Variants in SPTBN5 observed in about 807,000 individuals in gnomAD.
SPTBN5 encodes spectrin beta chain, non-erythrocytic 5.
SPTBN5 carries 513 observed loss-of-function variants against 477.6 expected under a neutral mutation model. The observed-to-expected ratio is 1.07, with a 90% CI of 1.00 to 1.16. The LOEUF (loss-of-function observed/expected upper bound fraction) is 1.16, where lower values mean the gene tolerates loss of function less well. Among genes scored for constraint, SPTBN5 ranks in the 50% most tolerant of loss-of-function variants. The probability of loss-of-function intolerance (pLI) is 0.00; values close to 1 mark genes in which losing one functional copy is unlikely to be tolerated. For synonymous variants in SPTBN5, 2,169 were observed against 2,011.7 expected, an observed-to-expected ratio of 1.08 and a Z score of -2.09; for missense variants, 5,062 against 4,731.8, an observed-to-expected ratio of 1.07 and a Z score of -2.05.
intron 5 of SPTBN5, 60 bp downstream of exon 5, chr15:41,887,868 C>T: frequency 1.3e-6 from 2 of 1,543,610 alleles, no homozygotes; most frequent in Non-Finnish European, 1.8e-6. Context: ...GGCTGAGGAC[C>T]CAAACCCAGG....
Position 41,862,137 on chromosome 15 carries a change from T to G in SPTBN5, c.7541A>C (p.Glu2514Ala). 6.3e-7 allele frequency: 1 copy of G among 1,576,558 alleles called. No individual in the cohort carries two copies. The highest frequency in any genetic ancestry group is 8.6e-7 in the Non-Finnish European group (1 of 1,157,842). ...GGCCAGCTGCCCATTCACCTTGCAC[T>G]CCTGATGCTCTTCTAACATACGCCG... ...EARRMLEEHQ[E>A]CKAELDSWTD... The change falls in exon 44 of 68, where the codon GAG becomes GCG. Residue 2514 changes from glutamate (E) to alanine (A), a missense_variant. By Grantham distance (107) the Glu-to-Ala change is moderately radical. Transcript: ENST00000320955.
chr15:41,881,925 C>A lies in SPTBN5; in HGVS notation c.2457+11G>T. The A allele has an allele frequency of 6.6e-7, 1 of 1,526,568 alleles. No individual in the cohort carries two copies. The highest frequency in any genetic ancestry group is 2.6e-5 in the East Asian group (1 of 39,172). 94.6% of individuals were successfully genotyped at this position (1,526,568 alleles called of 1,614,324 possible). On this transcript the variant is annotated intron_variant, in intron 12 of 67. Coordinates refer to ENST00000320955, the MANE Select transcript of SPTBN5 (RefSeq NM_016642.4). ...GGGAGACCAGGCGCCCTTCCCTGTC[C>A]CCGTCCTCACCGTGAATAACGACGC... is the stretch of plus-strand genomic sequence containing the variant.
At chr15:41,888,354 G>A (rs2067217632) in intron 4 of SPTBN5, among the ~76,000 whole-genome samples, 1 of 152,266 alleles carries the variant, frequency 6.6e-6, no homozygotes, top group African/African-American at 2.4e-5. Flanking sequence ...TGTCACCACA[G>A]GTGATCACAC....
In SPTBN5 at chr15:41,879,310, C is replaced by T. The variant is rs750646546; in HGVS notation, c.3132G>A (p.Lys1044=). The change falls in exon 16 of 68, where the codon AAG becomes AAA. Residue 1044 remains lysine, a synonymous_variant. Transcript: ENST00000320955. ...GGACCCTCCTCTCCAGCACCAGGGT[C>T]TTCTTCTGGGCCAGCTGCAGGGCGT... The part of the protein sequence containing the change: ...TCHALQLAQK[K]TLVLERRVHF... 8 of 1,611,644 alleles carry T rather than the reference C, an allele frequency of 5.0e-6. No homozygotes were observed. The highest frequency in any genetic ancestry group is 2.7e-5 in the African/African-American group (2 of 74,934).
At position 41,848,496 on chromosome 15, in the gene SPTBN5, GGAACTGGGTT is replaced by G; in HGVS notation, c.*110_*119del. The G allele has an allele frequency of 1.7e-6, 2 of 1,170,040 alleles. No homozygotes were observed. Among genetic ancestry groups the G allele is most frequent in the Admixed American group, 3.4e-5 (2 of 59,126 alleles). The allele number at this position is 1,170,040 out of a possible 1,614,324, so 72.5% of individuals were successfully genotyped here. On this transcript the variant is annotated 3_prime_UTR_variant, in exon 68 of 68. Transcript: ENST00000320955. The stretch of plus-strand genomic sequence containing the variant: ...TGTCTATTCCAGAAGCTGGGCCTGG[GGAACTGGGTT>G]GAAGCAGCCACGGGAAGGAGCCCTT...
At chr15:41,886,564 C>T (rs756115947) in intron 6 of SPTBN5, among the ~76,000 whole-genome samples, 198 bp from the exon 7 acceptor site, 9 of 152,256 alleles carry the variant, frequency 5.9e-5, no homozygotes, top group Non-Finnish European at 1.2e-4. Context: ...TGGGGACCCT[C>T]TCCATGACTG....
rs962166438 is a variant in SPTBN5, at chr15:41,848,552, T to C, written c.*64A>G. ...CCCTTTTGCCTGTAGCTGAGTCTTA[T>C]TCTGGTCCCTTAGATGTGTCCTCGC... is the stretch of plus-strand genomic sequence containing the variant. On this transcript the variant is annotated 3_prime_UTR_variant, in exon 68 of 68. Coordinates refer to ENST00000320955, the MANE Select transcript of SPTBN5 (RefSeq NM_016642.4). The C allele has an allele frequency of 1.2e-6, 2 of 1,604,234 alleles. No homozygotes were observed. Among genetic ancestry groups the C allele is most frequent in the African/African-American group, 1.3e-5 (1 of 74,816 alleles).
At position 41,854,139 on chromosome 15, in the gene SPTBN5, G is replaced by A. The variant is rs374155388; in HGVS notation, c.9685C>T (p.Gln3229Ter). Residue 3229 changes from glutamine (Q) to a stop codon, truncating the protein, a stop_gained, in exon 57 of 68, where the codon CAG (glutamine) becomes TAG (stop). Coordinates refer to ENST00000320955, the MANE Select transcript of SPTBN5 (RefSeq NM_016642.4). LOFTEE classifies it high-confidence loss of function. ...QAAAELQGRM[Q>*]EKTALMKGED... is the part of the protein sequence containing the mutation. Reference sequence around the variant, plus strand: ...CCCTTCATCAGGGCCGTCTTCTCCTGCATCCTTCCCTGGAGCTCAGCTGCT... The same window carrying A: ...CCCTTCATCAGGGCCGTCTTCTCCTACATCCTTCCCTGGAGCTCAGCTGCT... 7.5e-6 allele frequency: 12 copies of A among 1,594,708 alleles called. No individual in the cohort carries two copies. Among genetic ancestry groups the A allele is most frequent in the Admixed American group, 3.5e-5 (2 of 57,918 alleles).
Position 41,874,990 on chromosome 15 carries a change from G to A in SPTBN5, c.4354C>T (p.Arg1452Cys), listed in dbSNP as rs778315568. 31 of 1,613,546 alleles carry A rather than the reference G, an allele frequency of 1.9e-5. No homozygotes were observed. In the East Asian group the frequency reaches 4.0e-4, roughly 21 times the overall value. Residue 1452 changes from arginine to cysteine, a missense_variant, in exon 23 of 68, where the codon CGC becomes TGC. By Grantham distance (180) the Arg-to-Cys change is radical (BLOSUM62 -3). Transcript: ENST00000320955. ...CGTTTCTGCAGCCTCTGGCTGGAGC[G>A]CAGGTCCTGCCCTGTTTCCGAGCTC... ...LQSSETGQDL[R>C]SSQRLQKRHQ...
In SPTBN5 at chr15:41,873,923, C is replaced by T. The variant is rs755237246; in HGVS notation, c.4812G>A (p.Leu1604=). 9 of 1,610,834 alleles carry T rather than the reference C, an allele frequency of 5.6e-6. No individual in the cohort carries two copies. The highest frequency in any genetic ancestry group is 6.8e-6 in the Non-Finnish European group (8 of 1,179,888). The part of the protein sequence containing the change: ...AQHIVEQCQE[L]EGHWAELERA... Reference sequence around the variant, plus strand: ...TCTCCAGCTCTGCCCAGTGGCCTTCCAGCTCCTGGCACTGCTCCACGATGT... The same window carrying T: ...TCTCCAGCTCTGCCCAGTGGCCTTCTAGCTCCTGGCACTGCTCCACGATGT... Residue 1604 remains leucine, a synonymous_variant, in exon 25 of 68, where the codon CTG becomes CTA. Coordinates refer to ENST00000320955, the MANE Select transcript of SPTBN5 (RefSeq NM_016642.4).
intron 32 of SPTBN5, among the ~76,000 whole-genome samples, chr15:41,869,392 C>G (rs919044062): frequency 1.3e-5 from 2 of 152,250 alleles, no homozygotes; most frequent in African/African-American, 4.8e-5. Context: ...GTTTCGGGCT[C>G]ATCTCCCCAG....
chr15:41,876,680 G>A (rs1301642844), intron 19 of SPTBN5, 33 bp from the exon 20 acceptor site: 4 of 1,553,202 alleles, frequency 2.6e-6, no homozygotes, highest in Non-Finnish European at 2.6e-6. Context: ...AGGAGGGCAT[G>A]GGAGAGGACT....
chr15:41,890,865 C>T (rs565295697), intron 3 of SPTBN5, among the ~76,000 whole-genome samples: 37 of 152,200 alleles, frequency 2.4e-4, no homozygotes, highest in Non-Finnish European at 7.4e-5. Context: ...AGAAGCCCTG[C>T]AGGATCTGGC....
At position 41,857,456 on chromosome 15, in the gene SPTBN5, G is replaced by T; in HGVS notation, c.8403C>A (p.Asn2801Lys). ...GCTCAACCTCGATGGGCTCCAGCCAGTTCTCCAGTTCCTCCATGCTCCGCC... is the reference window on the plus strand; with the variant it reads ...GCTCAACCTCGATGGGCTCCAGCCATTTCTCCAGTTCCTCCATGCTCCGCC... ...RLRRSMEELE[N>K]WLEPIEVELR... Residue 2801 changes from asparagine to lysine, a missense_variant, in exon 51 of 68, where the codon AAC becomes AAA. Physicochemically the swap from Asn to Lys is moderately conservative, Grantham distance 94. Coordinates refer to ENST00000320955, the MANE Select transcript of SPTBN5 (RefSeq NM_016642.4). 6.2e-7 allele frequency: 1 copy of T among 1,608,814 alleles called. No homozygotes were observed. Among genetic ancestry groups the T allele is most frequent in the South Asian group, 1.1e-5 (1 of 90,140 alleles).
Position 41,882,741 on chromosome 15 carries a change from G to A in SPTBN5, c.1893-3C>T. ...GGGTCTGCTCCAGCAGGGCCCGCCT[G>A]AGGGACAATAGGGGCCACCGAAGGA... On this transcript the variant is annotated splice_polypyrimidine_tract_variant and splice_region_variant and intron_variant, in intron 9 of 67. Coordinates refer to ENST00000320955, the MANE Select transcript of SPTBN5 (RefSeq NM_016642.4). 1 of 1,608,866 alleles carries A rather than the reference G, an allele frequency of 6.2e-7. No homozygotes were observed.
chr15:41,872,357 CCACACGCTGCTGCT>C lies in SPTBN5; in HGVS notation c.5096_5109del (p.Glu1699GlyfsTer31). ...AGCTGCTCCCGGAGCCTCTCCTGCA[CCACACGCTGCTGCT>C]CAGGGACTTCGGGGCCAGTGAGGGT... is the stretch of plus-strand genomic sequence containing the variant. On this transcript the variant is annotated frameshift_variant, in exon 27 of 68. Transcript: ENST00000320955. LOFTEE classifies it high-confidence loss of function. 3.1e-6 allele frequency: 5 copies of C among 1,611,460 alleles called. No homozygotes were observed. Among genetic ancestry groups the C allele is most frequent in the Non-Finnish European group, 4.2e-6 (5 of 1,179,598 alleles).
Position 41,863,715 on chromosome 15 carries a change from T to G in SPTBN5, c.7138A>C (p.Ile2380Leu). ...TTTCCACCACGTACCTTCTCCTGAA[T>G]CCTCTTGGTGACATTGTCCAGCTCT... Reference protein sequence around the residue: ...SRELDNVTKRIQEKEALIQAL... With the variant: ...SRELDNVTKRLQEKEALIQAL... The change falls in exon 41 of 68, where the codon ATT becomes CTT. Residue 2380 changes from isoleucine to leucine, a missense_variant. Ile to Leu is a conservative substitution (Grantham distance 5). Coordinates refer to ENST00000320955, the MANE Select transcript of SPTBN5 (RefSeq NM_016642.4). 7 of 1,613,092 alleles carry G rather than the reference T, an allele frequency of 4.3e-6. No homozygotes were observed. Among genetic ancestry groups the G allele is most frequent in the Non-Finnish European group, 5.1e-6 (6 of 1,179,566 alleles).
chr15:41,850,704 A>G, intron 66 of SPTBN5, 150 bp downstream of exon 66: 1 of 728,208 alleles, frequency 1.4e-6, no homozygotes, highest in South Asian at 1.9e-5. Context: ...CAGGACCTAA[A>G]TTCTTTGAGG....
At chr15:41,857,819 G>T in intron 49 of SPTBN5, 109 bp from the exon 50 acceptor site, 2 of 1,345,430 alleles carry the variant, frequency 1.5e-6, no homozygotes, top group Non-Finnish European at 2.0e-6. Context: ...CTGCGGTCCA[G>T]CTGCATGATC....
Sources: allele counts gnomAD v4.1 joint callset (sites outside exome capture counted in the v4.1 genomes callset), GRCh38; gene constraint gnomAD v4.1.1; transcripts MANE v1.5; gene names NCBI Gene and HGNC (gene_info 2026-07-23, HGNC 2026-07-21).